HSPA12A: variants seen among roughly 807,000 people sequenced by gnomAD.
The protein encoded by HSPA12A is heat shock 70 kDa protein 12A.
In HSPA12A, 28 loss-of-function variants were observed where a neutral mutation model predicts 69.2. The observed-to-expected ratio is 0.40, with a 90% confidence interval of 0.30 to 0.55. The LOEUF (loss-of-function observed/expected upper bound fraction) is 0.55, where lower values mean the gene tolerates loss of function less well. Among genes scored for constraint, HSPA12A ranks in the 20% least tolerant of loss-of-function variants. HSPA12A has a pLI of 0.38. For missense variants in HSPA12A, 686 were observed against 900.7 expected (o/e 0.76, Z 3.05); for synonymous variants, 345 against 370.5 (o/e 0.93, Z 0.79).
At chr10:116,683,698 G>T in intron 7 of HSPA12A, 93 bp downstream of exon 7, 1 of 1,248,536 alleles carries the variant, frequency 8.0e-7, no homozygotes, top group Non-Finnish European at 1.1e-6. Context: ...CTTCATTATG[G>T]CACTAAGTGC....
At chr10:116,722,129 C>A (rs1193471943) in intron 1 of HSPA12A, among the ~76,000 whole-genome samples, 2 of 152,346 alleles carry the variant, frequency 1.3e-5, no homozygotes, top group South Asian at 2.1e-4. Context: ...TTAGGCAGGG[C>A]AGCTTCTCTG....
chr10:116,707,005 G>A (rs1022486698), intron 2 of HSPA12A, among the ~76,000 whole-genome samples, 195 bp downstream of exon 2: 1 of 152,168 alleles, frequency 6.6e-6, no homozygotes, highest in African/African-American at 2.4e-5. Flanking sequence ...TGGGGGAAGG[G>A]GCTTGGCAGG....
At chr10:116,782,526 A>T (rs1438666651) in intron 2 of HSPA12A, among the ~76,000 whole-genome samples, 5 of 152,202 alleles carry the variant, frequency 3.3e-5, no homozygotes, top group African/African-American at 1.2e-4. Flanking sequence ...TTGCAAAGGA[A>T]TGAACTACAG....
rs374314747 is a variant in HSPA12A at position 116,676,380 on chromosome 10, G to A, written c.1390+19C>T. 17 of 1,599,254 alleles carry A rather than the reference G, an allele frequency of 1.1e-5. No homozygotes were observed. Among genetic ancestry groups the A allele is most frequent in the East Asian group, 6.7e-5 (3 of 44,808 alleles). On this transcript the variant is annotated intron_variant, in intron 11 of 11. Coordinates refer to ENST00000369209, the MANE Select transcript of HSPA12A (RefSeq NM_025015.3). Reference sequence around the variant, plus strand: ...CTCAGCTCTGCCTCGCCGAGTGGCCGAGCCTGGCTGATACTTACGGAGATG... The same window carrying A: ...CTCAGCTCTGCCTCGCCGAGTGGCCAAGCCTGGCTGATACTTACGGAGATG...
At chr10:116,739,396 TA>T (rs1554886751) in intron 1 of HSPA12A, among the ~76,000 whole-genome samples, 1 of 152,322 alleles carries the variant, frequency 6.6e-6, no homozygotes, top group African/African-American at 2.4e-5. Flanking sequence ...TTAAAATGTT[TA>T]TTTTTATTAA....
chr10:116,682,435 T>G (rs886391027), intron 7 of HSPA12A, among the ~76,000 whole-genome samples: 1 of 143,896 alleles, frequency 6.9e-6, no homozygotes, highest in South Asian at 2.4e-4. Context: ...TTTCCTAACA[T>G]GCACCCTGGG....
intron 2 of HSPA12A, among the ~76,000 whole-genome samples, chr10:116,796,299 A>ATGAT (rs1172093647): frequency 6.6e-6 from 1 of 152,088 alleles, no homozygotes; most frequent in Non-Finnish European, 1.5e-5. Flanking sequence ...TAATAGTTGA[A>ATGAT]TGATCAAAAT....
intron 2 of HSPA12A, among the ~76,000 whole-genome samples, chr10:116,759,724 G>T (rs2133099429): frequency 6.6e-6 from 1 of 152,246 alleles, no homozygotes; most frequent in East Asian, 1.9e-4. Context: ...ATATGGTTTG[G>T]CTGTGTCCCC....
chr10:116,837,976 A>G (rs1455138988), intron 1 of HSPA12A, among the ~76,000 whole-genome samples: 1 of 152,206 alleles, frequency 6.6e-6, no homozygotes, highest in South Asian at 2.1e-4. Context: ...ATATAATTAG[A>G]TGTTTAATTT....
At chr10:116,753,033 A>G (rs1262401966) in intron 2 of HSPA12A, among the ~76,000 whole-genome samples, 1 of 152,246 alleles carries the variant, frequency 6.6e-6, no homozygotes, top group Non-Finnish European at 1.5e-5. Context: ...AAGAAAATAA[A>G]TGACACAAAA....
intron 2 of HSPA12A, among the ~76,000 whole-genome samples, chr10:116,756,186 T>G (rs994586357): frequency 1.3e-5 from 2 of 152,210 alleles, no homozygotes; most frequent in Non-Finnish European, 2.9e-5. Context: ...TCTGTCTCCC[T>G]CTTTCTCTGA....
At chr10:116,728,231 A>G (rs1354687345) in intron 1 of HSPA12A, among the ~76,000 whole-genome samples, 3 of 152,158 alleles carry the variant, frequency 2.0e-5, no homozygotes, top group African/African-American at 7.2e-5. Context: ...GTGAGCCACT[A>G]TGCCCAGCCT....
intron 5 of HSPA12A, among the ~76,000 whole-genome samples, chr10:116,693,533 C>T (rs1166075303): frequency 2.0e-5 from 3 of 152,316 alleles, no homozygotes; most frequent in African/African-American, 7.2e-5. Flanking sequence ...CCCCTTGCCA[C>T]GTTCACCAGA....
At chr10:116,732,310 A>C in intron 1 of HSPA12A, among the ~76,000 whole-genome samples, 1 of 143,950 alleles carries the variant, frequency 6.9e-6, no homozygotes, top group African/African-American at 2.6e-5. Context: ...AGCCTGGGTG[A>C]CTCCGTCTCA....
At chr10:116,819,903 T>C (rs1845379515) in intron 2 of HSPA12A, among the ~76,000 whole-genome samples, 1 of 152,220 alleles carries the variant, frequency 6.6e-6, no homozygotes, top group Admixed American at 6.5e-5. Context: ...CTCGGCTTAC[T>C]GCAGCCTCAA....
At chr10:116,817,039 A>C (rs1162536389) in intron 2 of HSPA12A, among the ~76,000 whole-genome samples, 1 of 152,174 alleles carries the variant, frequency 6.6e-6, no homozygotes, top group African/African-American at 2.4e-5. Context: ...AATCATCTGG[A>C]TTGTTTAAAC....
At chr10:116,682,589 T>C (rs1849446212) in intron 7 of HSPA12A, among the ~76,000 whole-genome samples, 1 of 152,202 alleles carries the variant, frequency 6.6e-6, no homozygotes, top group South Asian at 2.1e-4. Context: ...CTGCTGTGGC[T>C]TGAGGTGCTG....
chr10:116,845,002 T>G (rs1845856820), intron 1 of HSPA12A, among the ~76,000 whole-genome samples: 1 of 152,210 alleles, frequency 6.6e-6, no homozygotes, highest in African/African-American at 2.4e-5. Flanking sequence ...GATTATGTCC[T>G]GATATTTTAT....
chr10:116,774,428 T>C (rs1844286104), intron 2 of HSPA12A, among the ~76,000 whole-genome samples: 1 of 152,204 alleles, frequency 6.6e-6, no homozygotes, highest in African/African-American at 2.4e-5. Context: ...CATTAACAAC[T>C]CTTGGGCACT....
Sources: gnomAD v4.1 joint callset for allele counts (sites outside exome capture counted in the v4.1 genomes callset) on GRCh38, gnomAD v4.1.1 for gene constraint, MANE v1.5 for transcripts, NCBI Gene and HGNC (gene_info 2026-07-23, HGNC 2026-07-21) for gene names.